PEX5L: variants seen among roughly 807,000 people sequenced by gnomAD.
PEX5L encodes peroxisomal biogenesis factor 5 like, also known as PEX5-related protein.
Under a neutral mutation model 84.0 loss-of-function variants are expected in PEX5L, and 30 were observed. The ratio of observed to expected loss-of-function variants is 0.36; its 90% CI spans 0.27 to 0.48. The LOEUF (loss-of-function observed/expected upper bound fraction) is 0.48. PEX5L is among the 20% of genes least tolerant of loss of function. PEX5L has a pLI of 0.99. For synonymous variants in PEX5L, 270 were observed against 283.1 expected, an observed-to-expected ratio of 0.95 and a Z score of 0.46; for missense variants, 533 against 754.6, an observed-to-expected ratio of 0.71 and a Z score of 3.44.
At chr3:179,878,376 G>A (rs375413234) in intron 5 of PEX5L, among the ~76,000 whole-genome samples, 1 of 152,196 alleles carries the variant, frequency 6.6e-6, no homozygotes, top group Admixed American at 6.5e-5. Context: ...CACCAGAGAA[G>A]GATTTTTCTA....
chr3:180,015,976 T>C (rs1789914310), intron 1 of PEX5L, among the ~76,000 whole-genome samples: 1 of 151,506 alleles, frequency 6.6e-6, no homozygotes, highest in African/African-American at 2.4e-5. Context: ...CATAATGGGA[T>C]ATTTGGGTTT....
intron 10 of PEX5L, among the ~76,000 whole-genome samples, chr3:179,813,244 T>C (rs943400494): frequency 5.3e-5 from 8 of 152,172 alleles, no homozygotes; most frequent in African/African-American, 1.7e-4. Context: ...GAGGTCTCCA[T>C]AGGTTCAGAA....
At chr3:179,954,939 C>T (rs1780117089) in intron 2 of PEX5L, among the ~76,000 whole-genome samples, 2 of 151,972 alleles carry the variant, frequency 1.3e-5, no homozygotes, top group African/African-American at 4.8e-5. Flanking sequence ...ACAGTTAGGG[C>T]ATAAAGTATG....
chr3:179,827,113 G>A (rs1296720657), intron 8 of PEX5L, among the ~76,000 whole-genome samples: 2 of 152,178 alleles, frequency 1.3e-5, no homozygotes, highest in African/African-American at 4.8e-5. Flanking sequence ...AATGGCTACA[G>A]CAGTTTTTCT....
intron 8 of PEX5L, among the ~76,000 whole-genome samples, chr3:179,821,468 A>G (rs528537710): frequency 6.6e-6 from 1 of 152,298 alleles, no homozygotes; most frequent in East Asian, 1.9e-4. Flanking sequence ...TTTGAGTGGT[A>G]ATTATAATCT....
intron 8 of PEX5L, among the ~76,000 whole-genome samples, chr3:179,830,110 C>T (rs537567280): frequency 6.6e-6 from 1 of 152,010 alleles, no homozygotes; most frequent in South Asian, 2.1e-4. Context: ...CTTGCTATAT[C>T]TAAAGCCCAT....
At chr3:179,909,241 G>C (rs138763767) in intron 2 of PEX5L, among the ~76,000 whole-genome samples, 20 of 152,210 alleles carry the variant, frequency 1.3e-4, no homozygotes, top group Admixed American at 1.2e-3. Context: ...GGCAATTATA[G>C]AGAACACTGC....
chr3:180,033,409 C>T lies in PEX5L; in HGVS notation c.21+3170G>A, dbSNP rs559842522. Reference sequence around the variant, plus strand: ...GAAATAACTTTCTTTTATTAAAAAACCCATTGCTGTGGATTCTTCAATAAC... The same window carrying T: ...GAAATAACTTTCTTTTATTAAAAAATCCATTGCTGTGGATTCTTCAATAAC... On this transcript the variant is annotated intron_variant, in intron 1 of 14. Coordinates refer to ENST00000467460, the MANE Select transcript of PEX5L (RefSeq NM_016559.3). 1.3e-3 allele frequency among the ~76,000 whole-genome samples: 198 copies of T among 148,534 alleles called. 3 individuals carry two copies. Among genetic ancestry groups the T allele is most frequent in the African/African-American group, 4.9e-3 (192 of 39,346 alleles).
At chr3:180,035,478 G>A (rs893407136) in intron 1 of PEX5L, among the ~76,000 whole-genome samples, 2 of 152,112 alleles carry the variant, frequency 1.3e-5, no homozygotes, top group Admixed American at 1.3e-4. Flanking sequence ...ACTGTATATT[G>A]AGAATTCTTA....
chr3:179,982,283 T>G (rs551283196), intron 1 of PEX5L, among the ~76,000 whole-genome samples: 1 of 152,284 alleles, frequency 6.6e-6, no homozygotes, highest in East Asian at 1.9e-4. Context: ...TTAAAAATAA[T>G]AACGTGTTAC....
intron 1 of PEX5L, among the ~76,000 whole-genome samples, chr3:179,996,594 A>T (rs1020769507): frequency 3.9e-5 from 6 of 152,198 alleles, no homozygotes; most frequent in African/African-American, 7.2e-5. Context: ...AGGAGGGTCC[A>T]GAAGATACAC....
At chr3:180,031,185 G>A (rs953639219) in intron 1 of PEX5L, among the ~76,000 whole-genome samples, 5 of 152,004 alleles carry the variant, frequency 3.3e-5, no homozygotes, top group African/African-American at 1.2e-4. Flanking sequence ...GTATTATTAC[G>A]CCTTGAGCAA....
At chr3:179,940,523 G>A (rs1775801686) in intron 2 of PEX5L, among the ~76,000 whole-genome samples, 2 of 152,110 alleles carry the variant, frequency 1.3e-5, no homozygotes, top group East Asian at 1.9e-4. Context: ...ATGGTCTACG[G>A]TTTCTTCAAA....
At chr3:179,807,562 G>A (rs1159057762) in intron 14 of PEX5L, 112 bp downstream of exon 14, 4 of 963,506 alleles carry the variant, frequency 4.2e-6, no homozygotes, top group Non-Finnish European at 6.3e-6. Context: ...TTAACGGCAG[G>A]AGGAGGAATA....
At chr3:179,973,230 C>T in intron 1 of PEX5L, 1 of 1,288,584 alleles carries the variant, frequency 7.8e-7, no homozygotes, top group African/African-American at 1.5e-5. Flanking sequence ...TGGGTCCTTC[C>T]ATCCATTTCA....
intron 8 of PEX5L, among the ~76,000 whole-genome samples, chr3:179,835,050 C>T (rs1734456987): frequency 6.6e-6 from 1 of 152,108 alleles, no homozygotes; most frequent in Non-Finnish European, 1.5e-5. Flanking sequence ...AGTGGTGTGG[C>T]TACAAACTAA....
intron 9 of PEX5L, among the ~76,000 whole-genome samples, chr3:179,819,035 C>CTT (rs201033285): frequency 0.055 from 7,637 of 138,074 alleles, 639 homozygotes; most frequent in African/African-American, 0.18. Context: ...ACAGTTCTTT[C>CTT]TTTTTTTTTT....
chr3:179,990,347 T>C lies in PEX5L; in HGVS notation c.22-18682A>G, dbSNP rs374544692. On this transcript the variant is annotated intron_variant, in intron 1 of 14. Transcript: ENST00000467460. ...ATTTCCCCCATATTTTAAAGTAACATGAAATTCCTTTCATTAGCTCCTATT... is the reference window on the plus strand; with the variant it reads ...ATTTCCCCCATATTTTAAAGTAACACGAAATTCCTTTCATTAGCTCCTATT... 2.0e-5 allele frequency among the ~76,000 whole-genome samples: 3 copies of C among 152,184 alleles called. No homozygotes were observed. In the East Asian group the frequency reaches 5.8e-4, roughly 29 times the overall value.
chr3:179,804,738 G>T (rs1269731134), intron 14 of PEX5L, among the ~76,000 whole-genome samples: 1 of 152,168 alleles, frequency 6.6e-6, no homozygotes, highest in Non-Finnish European at 1.5e-5. Flanking sequence ...GCTTCCTTTT[G>T]AGCTCTTTCT....
Sources: allele counts gnomAD v4.1 joint callset (sites outside exome capture counted in the v4.1 genomes callset), GRCh38; gene constraint gnomAD v4.1.1; transcripts MANE v1.5; gene names NCBI Gene and HGNC (gene_info 2026-07-23, HGNC 2026-07-21).